Variants in COL4A4 observed in about 807,000 individuals in gnomAD.
The protein encoded by COL4A4 is collagen type IV alpha 4 chain.
In COL4A4, 105 loss-of-function variants were observed where a neutral mutation model predicts 192.9. The observed-to-expected ratio is 0.54, with a 90% CI of 0.46 to 0.64. COL4A4 has a LOEUF of 0.64. Among genes scored for constraint, COL4A4 ranks in the 30% least tolerant of loss-of-function variants. The pLI, the probability that COL4A4 is intolerant of heterozygous loss-of-function variation, is 0.00. For missense variants in COL4A4, 1,967 were observed against 2,169.3 expected (o/e 0.91, Z 1.85); for synonymous variants, 762 against 769.9 (o/e 0.99, Z 0.17).
At chr2:227,151,443 G>T (rs565109644) in intron 1 of COL4A4, among the ~76,000 whole-genome samples, 19 of 152,054 alleles carry the variant, frequency 1.2e-4, no homozygotes, top group Non-Finnish European at 2.2e-4. Context: ...CAAGATCAAC[G>T]ATCCTTTCTA....
At chr2:227,131,803 T>C (rs2062489845) in intron 4 of COL4A4, among the ~76,000 whole-genome samples, 1 of 152,138 alleles carries the variant, frequency 6.6e-6, no homozygotes. Flanking sequence ...GGGAGATTGA[T>C]GTGGACACAT....
chr2:227,153,622 T>C (rs1176367847), intron 1 of COL4A4, among the ~76,000 whole-genome samples: 1 of 151,964 alleles, frequency 6.6e-6, no homozygotes. Flanking sequence ...ATCACTCCTC[T>C]AGGAGAGTTG....
chr2:227,099,795 C>T, intron 17 of COL4A4, 106 bp from the exon 18 acceptor site: 3 of 967,480 alleles, frequency 3.1e-6, no homozygotes, highest in African/African-American at 1.6e-5. Context: ...ATATAAGAAG[C>T]AGAGATTATA....
intron 22 of COL4A4, among the ~76,000 whole-genome samples, chr2:227,085,803 A>G (rs2059572734): frequency 2.0e-5 from 3 of 152,130 alleles, no homozygotes; most frequent in Non-Finnish European, 4.4e-5. Flanking sequence ...CCCCACCTCA[A>G]ACACTGGGGA....
rs1266576511 is a variant in COL4A4 at position 227,045,951 on chromosome 2, G to GTA, written c.3289+1522_3289+1523dup. Among the ~76,000 whole-genome samples, 167 of 73,928 alleles carry GTA rather than the reference G, an allele frequency of 2.3e-3. 3 individuals carry two copies. The highest frequency in any genetic ancestry group is 2.8e-3 in the Non-Finnish European group (113 of 40,896). 48.5% of individuals were successfully genotyped at this position (73,928 alleles called of 152,430 possible). On this transcript the variant is annotated intron_variant, in intron 35 of 47. Coordinates refer to ENST00000396625, the MANE Select transcript of COL4A4 (RefSeq NM_000092.5). ...TGTATATATGTATATATGTATATAT[G>GTA]TATATATGTATATATTTATATGTGT...
Position 227,008,262 on chromosome 2 carries a change from A to G in COL4A4, c.4565T>C (p.Phe1522Ser), listed in dbSNP as rs1962641482. The G allele has an allele frequency of 1.9e-6, 3 of 1,614,246 alleles. No homozygotes were observed. Among genetic ancestry groups the G allele is most frequent in the Non-Finnish European group, 2.5e-6 (3 of 1,180,040 alleles). The change falls in exon 47 of 48, where the codon TTT becomes TCT. Residue 1522 changes from phenylalanine (F) to serine (S), a missense_variant. Coordinates refer to ENST00000396625, the MANE Select transcript of COL4A4 (RefSeq NM_000092.5). ...SCLPVFSTLPFAYCNIHQVCH... is the reference protein window; with the variant it reads ...SCLPVFSTLPSAYCNIHQVCH... ...CACCTGGTGGATGTTGCAGTAGGCAAAGGGCAGCGTGCTAAATACGGGAAG... is the reference window on the plus strand; with the variant it reads ...CACCTGGTGGATGTTGCAGTAGGCAGAGGGCAGCGTGCTAAATACGGGAAG...
chr2:227,091,228 G>A (rs1407296999), intron 20 of COL4A4, among the ~76,000 whole-genome samples: 1 of 149,902 alleles, frequency 6.7e-6, no homozygotes, highest in Non-Finnish European at 1.5e-5. Context: ...CATTAAAAGA[G>A]AACACAGCAA....
chr2:227,148,191 A>G (rs74993577), intron 1 of COL4A4, among the ~76,000 whole-genome samples: 2,738 of 152,356 alleles, frequency 0.018, 85 homozygotes, highest in African/African-American at 0.063. Context: ...GTTCACACAT[A>G]AACTTGCACA....
At chr2:227,007,840 A>C (rs1962497739) in intron 47 of COL4A4, among the ~76,000 whole-genome samples, 178 bp downstream of exon 47, 1 of 152,218 alleles carries the variant, frequency 6.6e-6, no homozygotes, top group East Asian at 1.9e-4. Context: ...ATCAATCACA[A>C]GTGTTTTTAA....
the COL4A4 span, among the ~76,000 whole-genome samples, chr2:226,977,726 CAA>C: frequency 6.6e-6 from 1 of 152,176 alleles, no homozygotes; most frequent in Non-Finnish European, 1.5e-5. Context: ...GCAAATATGT[CAA>C]GAGTCTTCAT....
chr2:227,010,397 A>T lies in COL4A4; in HGVS notation c.4438T>A (p.Cys1480Ser). Reference protein sequence around the residue: ...LHSQTDQEPTCPLGMPRLWTG... With the variant: ...LHSQTDQEPTSPLGMPRLWTG... ...CAGAGCCTGGGCATGCCCAGGGGGC[A>T]GGTGGGCTCCTGGTCCGTCTGACTG... Residue 1480 changes from cysteine (C) to serine (S), a missense_variant, in exon 46 of 48, where the codon TGC becomes AGC. Coordinates refer to ENST00000396625, the MANE Select transcript of COL4A4 (RefSeq NM_000092.5). The T allele has an allele frequency of 6.2e-7, 1 of 1,614,224 alleles. No homozygotes were observed. The highest frequency in any genetic ancestry group is 8.5e-7 in the Non-Finnish European group (1 of 1,180,020).
chr2:227,021,933 A>G, intron 44 of COL4A4, 115 bp downstream of exon 44: 1 of 1,233,484 alleles, frequency 8.1e-7, no homozygotes, highest in Non-Finnish European at 1.1e-6. Context: ...AGGGAAAGAC[A>G]TGCTTTCTCC....
chr2:227,065,576 C>T (rs920697917), intron 25 of COL4A4, among the ~76,000 whole-genome samples: 6 of 152,178 alleles, frequency 3.9e-5, no homozygotes, highest in Non-Finnish European at 8.8e-5. Flanking sequence ...TGACCCCTGA[C>T]CCCCGAGCAG....
chr2:227,142,040 T>A (rs760577486), intron 3 of COL4A4, among the ~76,000 whole-genome samples: 1 of 148,584 alleles, frequency 6.7e-6, no homozygotes, highest in African/African-American at 2.5e-5. Context: ...ATCACTGAGA[T>A]GTTTGCAGCA....
At chr2:227,002,042 A>G (rs78203370), downstream of COL4A4, among the ~76,000 whole-genome samples, 109 of 152,008 alleles carry the variant, frequency 7.2e-4, 1 homozygote, top group East Asian at 0.02. Context: ...ACAGTAGCAC[A>G]TGCTTGTAGC....
At chr2:227,086,369 G>A (rs1045340177) in intron 22 of COL4A4, among the ~76,000 whole-genome samples, 1 of 151,984 alleles carries the variant, frequency 6.6e-6, no homozygotes, top group Non-Finnish European at 1.5e-5. Context: ...TCTTCTGTCT[G>A]TCCTTCCCTT....
chr2:227,013,829 G>A (rs1964321063), intron 44 of COL4A4, among the ~76,000 whole-genome samples: 2 of 152,162 alleles, frequency 1.3e-5, no homozygotes, highest in African/African-American at 4.8e-5. Flanking sequence ...TGATAAAGCT[G>A]AGGATGCCAG....
chr2:227,089,826 T>C, intron 21 of COL4A4, 42 bp downstream of exon 21: 2 of 1,487,556 alleles, frequency 1.3e-6, no homozygotes, highest in South Asian at 1.1e-5. Context: ...ATCATCCATG[T>C]ACAGTTGTCT....
At chr2:227,094,362 G>T in intron 19 of COL4A4, 73 bp from the exon 20 acceptor site, 9 of 1,482,122 alleles carry the variant, frequency 6.1e-6, no homozygotes, top group Non-Finnish European at 8.3e-6. Context: ...AATCAAGATT[G>T]GTACACACTT....
Sources: allele counts gnomAD v4.1 joint callset (sites outside exome capture counted in the v4.1 genomes callset), GRCh38; gene constraint gnomAD v4.1.1; transcripts MANE v1.5; gene names NCBI Gene and HGNC (gene_info 2026-07-23, HGNC 2026-07-21).